MYOF: variants seen among roughly 807,000 people sequenced by gnomAD.
The protein encoded by MYOF is myoferlin.
In MYOF, 244 loss-of-function variants were observed where a neutral mutation model predicts 284.2. The ratio of observed to expected loss-of-function variants is 0.86; its 90% CI spans 0.77 to 0.95. The LOEUF (loss-of-function observed/expected upper bound fraction) is 0.95. Among genes scored for constraint, MYOF ranks in the 40% least tolerant of loss-of-function variants. MYOF has a pLI of 0.00. For missense variants in MYOF, 2,496 were observed against 2,560.6 expected (o/e 0.97, Z 0.54); for synonymous variants, 904 against 919.7 (o/e 0.98, Z 0.31).
At chr10:93,375,342 T>A (rs1845790138) in intron 22 of MYOF, among the ~76,000 whole-genome samples, 2 of 152,224 alleles carry the variant, frequency 1.3e-5, no homozygotes, top group African/African-American at 4.8e-5. Flanking sequence ...GAAGGGAGGC[T>A]AGAGACCATT....
intron 13 of MYOF, among the ~76,000 whole-genome samples, 178 bp downstream of exon 13, chr10:93,399,214 A>C (rs1847161712): frequency 6.6e-6 from 1 of 152,168 alleles, no homozygotes; most frequent in Non-Finnish European, 1.5e-5. Context: ...TTCCACTCCA[A>C]AATAAACCTG....
Position 93,320,023 on chromosome 10 carries a change from A to G in MYOF, c.5457-10T>C, listed in dbSNP as rs1408739549. ...ATTGCCAGGAATCCAGCTGAAAGGCAGAGGCAAACAGACTTAGCTTCACGT... is the reference window on the plus strand; with the variant it reads ...ATTGCCAGGAATCCAGCTGAAAGGCGGAGGCAAACAGACTTAGCTTCACGT... On this transcript the variant is annotated splice_polypyrimidine_tract_variant and intron_variant, in intron 48 of 53. Coordinates refer to ENST00000359263, the MANE Select transcript of MYOF (RefSeq NM_013451.4). 3 of 1,613,932 alleles carry G rather than the reference A, an allele frequency of 1.9e-6. No individual in the cohort carries two copies. The African/African-American group carries it at 4.0e-5, about 22-fold the overall frequency.
Position 93,381,391 on chromosome 10 carries a change from G to C in MYOF, c.1704C>G (p.Tyr568Ter), listed in dbSNP as rs780961646. ...ACAGGCTGTACTTCCGCCTTCGCTG[G>C]TATTTCTATAAAGTATGAGCAGACA... The part of the protein sequence containing the change: ...SNDDLLVVEK[Y>*]QRRRKYSLSA... The change falls in exon 20 of 54, where the codon TAC becomes TAG. Residue 568 changes from tyrosine (Y) to a stop codon, truncating the protein, a stop_gained. Coordinates refer to ENST00000359263, the MANE Select transcript of MYOF (RefSeq NM_013451.4). LOFTEE classifies it high-confidence loss of function. 1 of 1,614,120 alleles carries C rather than the reference G, an allele frequency of 6.2e-7. No homozygotes were observed. Among genetic ancestry groups the C allele is most frequent in the Non-Finnish European group, 8.5e-7 (1 of 1,179,990 alleles).
chr10:93,355,693 T>C lies in MYOF; in HGVS notation c.3338A>G (p.Lys1113Arg), dbSNP rs1406113949. The C allele has an allele frequency of 1.2e-6, 2 of 1,613,306 alleles. No individual in the cohort carries two copies. Among genetic ancestry groups the C allele is most frequent in the African/African-American group, 1.3e-5 (1 of 74,940 alleles). ...TEDGDEKSLE[K>R]QKHSATTVFG... ...CACAGTGGTGGCACTGTGCTTCTGT[T>C]TCTCCAGGCTCTTCTCATCCCCATC... The change falls in exon 31 of 54, where the codon AAA becomes AGA. Residue 1113 changes from lysine (K) to arginine (R), a missense_variant. This residue lies in a region of MYOF where 2,436 missense variants were observed against 2,480.7 expected (regional missense o/e 0.98). Transcript: ENST00000359263.
intron 3 of MYOF, among the ~76,000 whole-genome samples, chr10:93,450,408 A>G (rs1373651597): frequency 1.3e-5 from 2 of 151,782 alleles, no homozygotes; most frequent in Non-Finnish European, 2.9e-5. Context: ...CAAACAAACA[A>G]ACAAAAACCA....
intron 36 of MYOF, among the ~76,000 whole-genome samples, chr10:93,349,031 T>G (rs1024608602): frequency 6.6e-6 from 1 of 152,126 alleles, no homozygotes; most frequent in Non-Finnish European, 1.5e-5. Context: ...AGCACTGTAT[T>G]GGAGACATCA....
At chr10:93,454,715 C>T (rs11187434) in intron 2 of MYOF, among the ~76,000 whole-genome samples, 396 of 152,172 alleles carry the variant, frequency 2.6e-3, no homozygotes, top group Non-Finnish European at 4.5e-3. Flanking sequence ...GAGTGGCTGA[C>T]GCCTGTAAAC....
Position 93,333,683 on chromosome 10 carries a change from A to C in MYOF, c.4719+75T>G. On this transcript the variant is annotated intron_variant, in intron 42 of 53. Coordinates refer to ENST00000359263, the MANE Select transcript of MYOF (RefSeq NM_013451.4). ...TGAGATAACAGACGCCCAGAAAGAA[A>C]GAACATGACAATTATTGTGGCTGAT... 5 of 1,557,234 alleles carry C rather than the reference A, an allele frequency of 3.2e-6. 1 individual carries two copies. In the South Asian group the frequency reaches 5.9e-5, roughly 18 times the overall value.
At chr10:93,369,597 C>A (rs879152031) in intron 25 of MYOF, 48 bp downstream of exon 25, 2 of 1,607,388 alleles carry the variant, frequency 1.2e-6, no homozygotes, top group Admixed American at 1.7e-5. Flanking sequence ...AGTAAAAGTG[C>A]CCCTCCCCCG....
intron 10 of MYOF, 108 bp from the exon 11 acceptor site, chr10:93,402,455 G>T: frequency 1.2e-6 from 1 of 854,530 alleles, no homozygotes; most frequent in Middle Eastern, 3.4e-4. Context: ...GCCTCTTCAC[G>T]ACACACCAAA....
In MYOF at chr10:93,363,700, T is replaced by C. The variant is rs1234759080; in HGVS notation, c.2868+261A>G. On this transcript the variant is annotated intron_variant, in intron 27 of 53. Transcript: ENST00000359263. ...AAACAACAACAGAACCCTAATTAGATAATAATAAAAATTTACCTAAAAAAT... is the reference window on the plus strand; with the variant it reads ...AAACAACAACAGAACCCTAATTAGACAATAATAAAAATTTACCTAAAAAAT... Among the ~76,000 whole-genome samples, 5 of 152,268 alleles carry C rather than the reference T, an allele frequency of 3.3e-5. No individual in the cohort carries two copies. In the East Asian group the frequency reaches 7.7e-4, roughly 23 times the overall value.
At chr10:93,401,009 T>C (rs111750144) in intron 12 of MYOF, among the ~76,000 whole-genome samples, 9,904 of 152,128 alleles carry the variant, frequency 0.065, 390 homozygotes, top group Middle Eastern at 0.088. Context: ...CCCGCCACCA[T>C]GCCCAGCTAA....
chr10:93,477,587 G>C (rs992325094), intron 1 of MYOF, among the ~76,000 whole-genome samples: 4 of 151,968 alleles, frequency 2.6e-5, no homozygotes, highest in Non-Finnish European at 4.4e-5. Flanking sequence ...AGTGGCTCAC[G>C]CCTGTAATCC....
At chr10:93,357,794 C>T (rs553987697) in intron 29 of MYOF, among the ~76,000 whole-genome samples, 12 of 152,234 alleles carry the variant, frequency 7.9e-5, no homozygotes, top group Admixed American at 7.8e-4. Context: ...TGATCAAAGC[C>T]TCAGAAATAC....
intron 23 of MYOF, 59 bp downstream of exon 23, chr10:93,374,704 C>T (rs1886076): frequency 0.05 from 76,077 of 1,518,534 alleles, 2,409 homozygotes; most frequent in African/African-American, 0.15. Context: ...ATTCTTGGTG[C>T]CATTTCGCAG....
intron 37 of MYOF, among the ~76,000 whole-genome samples, chr10:93,344,476 C>T (rs533638270): frequency 3.9e-4 from 60 of 152,156 alleles, no homozygotes; most frequent in Middle Eastern, 6.8e-3. Context: ...AGCTTAGCTC[C>T]TACTTATAAG....
At chr10:93,409,031 C>A in intron 6 of MYOF, 116 bp from the exon 7 acceptor site, 4 of 1,479,500 alleles carry the variant, frequency 2.7e-6, no homozygotes, top group Non-Finnish European at 3.7e-6. Context: ...CAGGCCAGGG[C>A]AGCTTTGTGC....
At chr10:93,441,634 G>A (rs2056260026) in intron 3 of MYOF, among the ~76,000 whole-genome samples, 1 of 150,858 alleles carries the variant, frequency 6.6e-6, no homozygotes, top group South Asian at 2.1e-4. Flanking sequence ...CACGGTCTCG[G>A]CTCACTGCAA....
At chr10:93,339,581 T>TGACTCA (rs1554840905) in intron 39 of MYOF, among the ~76,000 whole-genome samples, 14 of 149,516 alleles carry the variant, frequency 9.4e-5, no homozygotes, top group Non-Finnish European at 1.6e-4. Context: ...GTGATTCTCG[T>TGACTCA]GCCTCAGCCT....
Sources: gnomAD v4.1 joint callset for allele counts (sites outside exome capture counted in the v4.1 genomes callset) on GRCh38, gnomAD v4.1.1 for gene constraint, gnomAD v4.1.1 regional missense constraint, MANE v1.5 for transcripts, NCBI Gene and HGNC (gene_info 2026-07-23, HGNC 2026-07-21) for gene names.